Variants in ORC3 observed in about 807,000 individuals in gnomAD.
ORC3 encodes the protein homolog of latheo, Drosophila.
In ORC3, 78 loss-of-function variants were observed where a neutral mutation model predicts 100.7. The ratio of observed to expected loss-of-function variants is 0.77; its 90% CI spans 0.65 to 0.94. ORC3 has a LOEUF of 0.94. Ranked by LOEUF, ORC3 falls within the 40% of genes least tolerant of loss-of-function variation. ORC3 has a pLI of 0.00. For missense variants in ORC3, 789 were observed against 823.9 expected (o/e 0.96, Z 0.52); for synonymous variants, 295 against 289.3 (o/e 1.02, Z -0.20).
intron 13 of ORC3, among the ~76,000 whole-genome samples, chr6:87,644,388 C>T (rs946093145): frequency 2.0e-5 from 3 of 151,284 alleles, no homozygotes; most frequent in African/African-American, 7.3e-5. Context: ...CCACCGCGCC[C>T]GGCCGGCTGA....
chr6:87,668,623 G>A (rs1347093176), downstream of ORC3, among the ~76,000 whole-genome samples: 2 of 152,098 alleles, frequency 1.3e-5, no homozygotes, highest in Non-Finnish European at 1.5e-5. Flanking sequence ...CAGCGTGGTG[G>A]GCTGAGATGA....
chr6:87,610,024 CAT>C (rs1246922910), intron 7 of ORC3, among the ~76,000 whole-genome samples: 1 of 152,122 alleles, frequency 6.6e-6, no homozygotes, highest in Non-Finnish European at 1.5e-5. Context: ...TCAAAGCAAT[CAT>C]GTGAGACTCA....
intron 15 of ORC3, among the ~76,000 whole-genome samples, chr6:87,657,706 T>G (rs1769826345): frequency 6.6e-6 from 1 of 152,192 alleles, no homozygotes; most frequent in Non-Finnish European, 1.5e-5. Context: ...CCCTAAAAAT[T>G]TGCTTGTATA....
chr6:87,618,774 G>T (rs1272110489), intron 9 of ORC3, among the ~76,000 whole-genome samples: 3 of 147,884 alleles, frequency 2.0e-5, no homozygotes, highest in Admixed American at 6.8e-5. Flanking sequence ...ATGTTCTGTT[G>T]TTTTTTTTTT....
intron 13 of ORC3, among the ~76,000 whole-genome samples, chr6:87,652,870 G>C (rs1048793320): frequency 6.6e-5 from 10 of 152,082 alleles, no homozygotes; most frequent in African/African-American, 2.4e-4. Context: ...CATCATGTTA[G>C]AGCCACACTA....
chr6:87,598,451 A>G (rs898391169), intron 2 of ORC3, among the ~76,000 whole-genome samples: 5 of 152,214 alleles, frequency 3.3e-5, no homozygotes, highest in African/African-American at 1.2e-4. Flanking sequence ...TAGAGCTAGG[A>G]TTTGAACCCA....
intron 11 of ORC3, among the ~76,000 whole-genome samples, chr6:87,628,879 A>G (rs575272689): frequency 1.1e-4 from 16 of 152,358 alleles, no homozygotes; most frequent in African/African-American, 3.8e-4. Context: ...ATGGAAAAGT[A>G]AAGGAAAAAG....
rs1370197607 is a variant in ORC3, at chr6:87,664,867, G to A, written c.1950+8G>A. Reference sequence around the variant, plus strand: ...CTCGTGGACTGGTCAGAGGTAGGTTGTAGGGAAAAGAACAAGCTAGATATT... The same window carrying A: ...CTCGTGGACTGGTCAGAGGTAGGTTATAGGGAAAAGAACAAGCTAGATATT... On this transcript the variant is annotated splice_region_variant and intron_variant, in intron 18 of 19. Transcript: ENST00000392844. 1 of 1,529,596 alleles carries A rather than the reference G, an allele frequency of 6.5e-7. No homozygotes were observed. The highest frequency in any genetic ancestry group is 1.1e-5 in the South Asian group (1 of 87,040). The allele number at this position is 1,529,596 out of a possible 1,614,324, so 94.8% of individuals were successfully genotyped here. A position where few individuals can be genotyped will look rare whatever the true frequency, so the allele number is the denominator to read the frequency against.
chr6:87,663,037 C>G lies in ORC3; in HGVS notation c.1726C>G (p.His576Asp), dbSNP rs1474220519. 3.1e-5 allele frequency: 50 copies of G among 1,611,370 alleles called. No homozygotes were observed. Among genetic ancestry groups the G allele is most frequent in the Non-Finnish European group, 3.6e-5 (42 of 1,178,030 alleles). ...YLLPPETQPL[H>D]EVVYFSAAHA... The stretch of plus-strand genomic sequence containing the variant: ...TCTGCCTCCTGAGACACAGCCTCTC[C>G]ATGAGGTGGTGTACTTCAGTGCTGC... Residue 576 changes from histidine to aspartate, a missense_variant, in exon 17 of 20, where the codon CAT (histidine) becomes GAT (aspartate). Coordinates refer to ENST00000392844, the MANE Select transcript of ORC3 (RefSeq NM_012381.4).
At chr6:87,635,183 T>C (rs1767718748) in intron 12 of ORC3, among the ~76,000 whole-genome samples, 1 of 152,170 alleles carries the variant, frequency 6.6e-6, no homozygotes, top group African/African-American at 2.4e-5. Flanking sequence ...CCAGTGGTGT[T>C]GCTTCCCCTA....
the ORC3 span, among the ~76,000 whole-genome samples, chr6:87,677,080 GAAAAAAA>G: frequency 8.9e-6 from 1 of 112,678 alleles, no homozygotes; most frequent in Non-Finnish European, 1.9e-5. Flanking sequence ...TCCGTCTCAG[GAAAAAAA>G]AAAAAAAAAA....
chr6:87,649,795 G>A (rs1470762090), intron 13 of ORC3, among the ~76,000 whole-genome samples: 2 of 151,998 alleles, frequency 1.3e-5, no homozygotes, highest in Non-Finnish European at 2.9e-5. Flanking sequence ...GTTTCAAACT[G>A]TTAAGAATAT....
In ORC3 at chr6:87,616,400, A is replaced by C; in HGVS notation, c.960A>C (p.Ser320=). The change falls in exon 9 of 20, where the codon TCA becomes TCC. Residue 320 remains serine, a synonymous_variant. Transcript: ENST00000392844. The part of the protein sequence containing the change: ...LTNIFLYHDF[S]VQNFIKGLQL... ...ACATCTTTTTGTATCATGATTTCTC[A>C]GTTCAAAACTTTATAAAAGGACTTC... 1 of 1,502,448 alleles carries C rather than the reference A, an allele frequency of 6.7e-7. No homozygotes were observed. The highest frequency in any genetic ancestry group is 9.3e-7 in the Non-Finnish European group (1 of 1,079,108). 93.1% of individuals were successfully genotyped at this position (1,502,448 alleles called of 1,614,324 possible).
At chr6:87,636,538 G>A (rs1038277838) in intron 13 of ORC3, 52 bp downstream of exon 13, 2 of 1,130,854 alleles carry the variant, frequency 1.8e-6, no homozygotes, top group Non-Finnish European at 2.7e-6. Flanking sequence ...AAGCCTGCCA[G>A]TAAGTAGCAC....
At chr6:87,616,668 G>A (rs1779174248) in intron 9 of ORC3, among the ~76,000 whole-genome samples, 1 of 152,162 alleles carries the variant, frequency 6.6e-6, no homozygotes, top group Non-Finnish European at 1.5e-5. Flanking sequence ...TAACCATTTT[G>A]GGGGTAGGGG....
chr6:87,608,403 G>A (rs576117905), intron 6 of ORC3, among the ~76,000 whole-genome samples: 38 of 152,174 alleles, frequency 2.5e-4, no homozygotes, highest in East Asian at 1.3e-3. Flanking sequence ...AGGTAATTGC[G>A]TCATAAAACC....
intron 13 of ORC3, among the ~76,000 whole-genome samples, chr6:87,647,306 A>C (rs1182692322): frequency 2.6e-5 from 4 of 151,950 alleles, no homozygotes; most frequent in African/African-American, 9.7e-5. Context: ...TCCATTTCAG[A>C]CATCTTGGCC....
chr6:87,610,615 G>A (rs1192096159), intron 7 of ORC3, among the ~76,000 whole-genome samples: 5 of 135,854 alleles, frequency 3.7e-5, no homozygotes, highest in Non-Finnish European at 4.8e-5. Context: ...CTGCAGTGGC[G>A]CAATCTCGGC....
chr6:87,634,677 C>T (rs1456624465), intron 11 of ORC3, among the ~76,000 whole-genome samples, 168 bp from the exon 12 acceptor site: 3 of 152,216 alleles, frequency 2.0e-5, no homozygotes, highest in African/African-American at 4.8e-5. Context: ...ATCAGAAATG[C>T]TCTGCCTGTA....
Sources: allele counts gnomAD v4.1 joint callset (sites outside exome capture counted in the v4.1 genomes callset), GRCh38; gene constraint gnomAD v4.1.1; transcripts MANE v1.5; gene names NCBI Gene and HGNC (gene_info 2026-07-23, HGNC 2026-07-21).